POLD1: variants seen among roughly 807,000 people sequenced by gnomAD.
POLD1 encodes the protein DNA polymerase delta 1, catalytic subunit, also known as DNA polymerase delta catalytic subunit.
In POLD1, 79 loss-of-function variants were observed where a neutral mutation model predicts 129.7. The ratio of observed to expected loss-of-function variants is 0.61; its 90% CI spans 0.51 to 0.73. The LOEUF (loss-of-function observed/expected upper bound fraction) is 0.73, where lower values mean the gene tolerates loss of function less well. Ranked by LOEUF, POLD1 falls within the 30% of genes least tolerant of loss-of-function variation. The probability of loss-of-function intolerance (pLI) is 0.00; values close to 1 mark genes in which losing one functional copy is unlikely to be tolerated. For synonymous variants in POLD1, 714 were observed against 683.3 expected (o/e 1.04, Z -0.70); for missense variants, 1,338 against 1,595.8 (o/e 0.84, Z 2.75).
rs1249717167 is a variant in POLD1, at chr19:50,399,073, G to C, written c.202+20G>C. 1 of 1,550,670 alleles carries C rather than the reference G, an allele frequency of 6.4e-7. No individual in the cohort carries two copies. Reference sequence around the variant, plus strand: ...CAGACGGTAAGGCTTGGAGTTGGAGGTTCCTGCTGCCCAACCCATTGCCCC... The same window carrying C: ...CAGACGGTAAGGCTTGGAGTTGGAGCTTCCTGCTGCCCAACCCATTGCCCC... On this transcript the variant is annotated intron_variant, in intron 2 of 26. Coordinates refer to ENST00000440232, the MANE Select transcript of POLD1 (RefSeq NM_002691.4).
rs373380580 is a variant in POLD1 at position 50,407,024 on chromosome 19, C to T, written c.1536C>T (p.Cys512=). The change falls in exon 13 of 27, where the codon TGC becomes TGT. Residue 512 remains cysteine, a synonymous_variant. Coordinates refer to ENST00000440232, the MANE Select transcript of POLD1 (RefSeq NM_002691.4). The part of the protein sequence containing the change: ...DQTRRRLAVY[C]LKDAYLPLRL... ...CCCGCCGCCGCCTGGCTGTGTACTG[C>T]CTGAAGGATGCCTACCTGCCACTGC... The T allele has an allele frequency of 3.7e-6, 6 of 1,613,262 alleles. No individual in the cohort carries two copies. The African/African-American group carries it at 5.3e-5, about 14-fold the overall frequency.
At chr19:50,403,624 C>T (rs2038753475) in intron 10 of POLD1, 27 bp downstream of exon 10, 2 of 1,450,206 alleles carry the variant, frequency 1.4e-6, no homozygotes, top group East Asian at 2.3e-5. Context: ...TGGGAGGCTT[C>T]TCTCAGATGC....
rs74367625 is a variant in POLD1, at chr19:50,410,957, C to CTT, written c.2154+1308_2154+1309dup. The CTT allele has an allele frequency of 8.2e-3, 1,020 of 124,218 alleles. 46 individuals are homozygous for CTT. Among genetic ancestry groups the CTT allele is most frequent in the African/African-American group, 0.029 (848 of 28,922 alleles). 7.7% of individuals were successfully genotyped at this position (124,218 alleles called of 1,614,324 possible). On this transcript the variant is annotated intron_variant, in intron 17 of 26. Coordinates refer to ENST00000440232, the MANE Select transcript of POLD1 (RefSeq NM_002691.4). Reference sequence around the variant, plus strand: ...TTCAAAGTCCCAGGTACACAAACACCTTTTTTTTTTTTTTTTTTGAGACAG... The same window carrying CTT: ...TTCAAAGTCCCAGGTACACAAACACCTTTTTTTTTTTTTTTTTTTTGAGACAG...
At chr19:50,416,351 T>C in intron 22 of POLD1, 45 bp from the exon 23 acceptor site, 1 of 1,541,988 alleles carries the variant, frequency 6.5e-7, no homozygotes. Context: ...TCCACCCCGG[T>C]GCCCTTTCCC....
At position 50,406,301 on chromosome 19, in the gene POLD1, C is replaced by G. The variant is rs773075581; in HGVS notation, c.1362C>G (p.Arg454=). The G allele has an allele frequency of 6.2e-7, 1 of 1,613,930 alleles. No homozygotes were observed. The highest frequency in any genetic ancestry group is 8.5e-7 in the Non-Finnish European group (1 of 1,179,964). ...CCAAGGTTGTCAGCATGGTGGGCCG[C>G]GTGCAGATGGACATGCTGCAGGTAT... The part of the protein sequence containing the change: ...RDTKVVSMVG[R]VQMDMLQVLL... The change falls in exon 11 of 27, where the codon CGC becomes CGG. Residue 454 remains arginine, a synonymous_variant. Coordinates refer to ENST00000440232, the MANE Select transcript of POLD1 (RefSeq NM_002691.4). The surrounding 1 kb of genome is among the most constrained non-coding windows in gnomAD (Gnocchi z 5.5).
rs188321836 is a variant in POLD1 at position 50,409,717 on chromosome 19, G to A, written c.2154+51G>A. On this transcript the variant is annotated intron_variant, in intron 17 of 26. Coordinates refer to ENST00000440232, the MANE Select transcript of POLD1 (RefSeq NM_002691.4). The surrounding 1 kb of genome is among the most constrained non-coding windows in gnomAD (Gnocchi z 5.8). ...AACTGGGGGCAGGTGGGCCCCCTGT[G>A]TAGGAGACCAGGGCTCCATGTGGGG... 2 of 1,540,810 alleles carry A rather than the reference G, an allele frequency of 1.3e-6. No homozygotes were observed. The highest frequency in any genetic ancestry group is 2.3e-5 in the East Asian group (1 of 44,174).
At chr19:50,416,343 C>A in intron 22 of POLD1, 53 bp from the exon 23 acceptor site, 1 of 1,536,618 alleles carries the variant, frequency 6.5e-7, no homozygotes. Flanking sequence ...ACCCCGTGTC[C>A]ACCCCGGTGC....
intron 3 of POLD1, among the ~76,000 whole-genome samples, chr19:50,400,760 G>A (rs2038569177): frequency 6.7e-6 from 1 of 149,210 alleles, no homozygotes; most frequent in Non-Finnish European, 1.5e-5. Context: ...GCAGTGGCGC[G>A]ATCTCGGCTC....
In POLD1 at chr19:50,408,690, A is replaced by AT. The variant is rs751745933; in HGVS notation, c.1776-83dup. ...GAGCACTGCTCCCAGCCAATGAATGATTTTTTTTTTTTAAAGGGTGAGGCC... is the reference window on the plus strand; with the variant it reads ...GAGCACTGCTCCCAGCCAATGAATGATTTTTTTTTTTTTAAAGGGTGAGGCC... On this transcript the variant is annotated intron_variant, in intron 14 of 26. Coordinates refer to ENST00000440232, the MANE Select transcript of POLD1 (RefSeq NM_002691.4). 29,792 of 1,050,376 alleles carry AT rather than the reference A, an allele frequency of 0.028. 2 individuals carry two copies. The highest frequency in any genetic ancestry group is 0.032 in the Non-Finnish European group (24,351 of 760,216). 65.1% of individuals were successfully genotyped at this position (1,050,376 alleles called of 1,614,324 possible).
rs952662711 is a variant in POLD1 at position 50,416,294 on chromosome 19, G to A, written c.2821-102G>A. ...CCAGGCCCCCCCCATGTCACAGCCC[G>A]CAGGCAGGCCTAGGCCCTAAGCCCC... On this transcript the variant is annotated intron_variant, in intron 22 of 26. Transcript: ENST00000440232. 35 of 1,239,290 alleles carry A rather than the reference G, an allele frequency of 2.8e-5. No homozygotes were observed. The Admixed American group carries it at 4.3e-4, about 15-fold the overall frequency. 76.8% of individuals were successfully genotyped at this position (1,239,290 alleles called of 1,614,324 possible). A position where few individuals can be genotyped will look rare whatever the true frequency, so the allele number is the denominator to read the frequency against.
rs2039261843 is a variant in POLD1, at chr19:50,415,756, G to A, written c.2750G>A (p.Ser917Asn). The change falls in exon 22 of 27, where the codon AGC becomes AAC. Residue 917 changes from serine to asparagine, a missense_variant. Transcript: ENST00000440232. ...MRKRDPGSAP[S>N]LGDRVPYVII... ...AAGCGGGACCCCGGGAGTGCGCCCA[G>A]CCTGGGCGACCGCGTCCCCTACGTG... is the stretch of plus-strand genomic sequence containing the variant. The A allele has an allele frequency of 1.4e-6, 2 of 1,403,290 alleles. No homozygotes were observed. The highest frequency in any genetic ancestry group is 3.5e-5 in the East Asian group (1 of 28,406). The allele number at this position is 1,403,290 out of a possible 1,614,324, so 86.9% of individuals were successfully genotyped here.
chr19:50,409,515 G>A lies in POLD1; in HGVS notation c.2007-4G>A, dbSNP rs202035484. The A allele has an allele frequency of 1.7e-3, 2,666 of 1,613,524 alleles. 3 individuals are homozygous for A. Among genetic ancestry groups the A allele is most frequent in the Non-Finnish European group, 2.0e-3 (2,321 of 1,180,026 alleles). ...GAGTGTGCTTTCCCCGTGTTCCCTC[G>A]CAGGGCCAAGGCCGAGCTGGCCAAG... is the stretch of plus-strand genomic sequence containing the variant. On this transcript the variant is annotated splice_region_variant and splice_polypyrimidine_tract_variant and intron_variant, in intron 16 of 26. Transcript: ENST00000440232. The surrounding 1 kb of genome is among the most constrained non-coding windows in gnomAD (Gnocchi z 5.8).
At chr19:50,414,733 C>A in intron 19 of POLD1, 82 bp from the exon 20 acceptor site, 1 of 1,189,218 alleles carries the variant, frequency 8.4e-7, no homozygotes, top group Non-Finnish European at 1.2e-6. Context: ...GGGACCCTGT[C>A]TACCTTCAGT....
chr19:50,401,025 C>T (rs1055771100), intron 3 of POLD1, among the ~76,000 whole-genome samples: 2 of 151,512 alleles, frequency 1.3e-5, no homozygotes, highest in African/African-American at 4.8e-5. Flanking sequence ...TACTTTTGGG[C>T]CCGGCATGGT....
intron 15 of POLD1, 30 bp downstream of exon 15, chr19:50,408,931 C>T (rs991834576): frequency 3.2e-6 from 5 of 1,584,634 alleles, no homozygotes; most frequent in African/African-American, 2.7e-5. Context: ...ATGTGTCCCC[C>T]GAGGCCCATC....
At chr19:50,384,657 G>T (rs924536884) in intron 1 of POLD1, among the ~76,000 whole-genome samples, 7 of 152,164 alleles carry the variant, frequency 4.6e-5, no homozygotes, top group South Asian at 4.1e-4. Context: ...GAGCTGGGGG[G>T]ACTGGGTGGT....
chr19:50,393,859 T>C (rs12185525), intron 1 of POLD1: 2,001 of 152,354 alleles, frequency 0.013, 22 homozygotes, highest in Non-Finnish European at 0.022. Context: ...GATTCATCCG[T>C]GTTGCATGTC....
rs2230246 is a variant in POLD1, at chr19:50,407,027, G to A, written c.1539G>A (p.Leu513=). 8.0e-3 allele frequency: 12,869 copies of A among 1,613,336 alleles called. 852 individuals carry two copies. The African/African-American group carries it at 0.15, about 18-fold the overall frequency. Residue 513 remains leucine (L), a synonymous_variant, in exon 13 of 27, where the codon CTG becomes CTA. Coordinates refer to ENST00000440232, the MANE Select transcript of POLD1 (RefSeq NM_002691.4). ...QTRRRLAVYC[L]KDAYLPLRLL... is the part of the protein sequence containing the mutation. Reference sequence around the variant, plus strand: ...GCCGCCGCCTGGCTGTGTACTGCCTGAAGGATGCCTACCTGCCACTGCGGC... The same window carrying A: ...GCCGCCGCCTGGCTGTGTACTGCCTAAAGGATGCCTACCTGCCACTGCGGC...
intron 14 of POLD1, among the ~76,000 whole-genome samples, chr19:50,407,992 C>T (rs1302297941): frequency 6.6e-6 from 1 of 151,788 alleles, no homozygotes; most frequent in Non-Finnish European, 1.5e-5. Flanking sequence ...GCGATGATTG[C>T]GCCACTGCCC....
Sources: allele counts gnomAD v4.1 joint callset (sites outside exome capture counted in the v4.1 genomes callset), GRCh38; gene constraint gnomAD v4.1.1; non-coding constraint Gnocchi (gnomAD v3.1); transcripts MANE v1.5; gene names NCBI Gene and HGNC (gene_info 2026-07-23, HGNC 2026-07-21).